The following IRF5 variants were observed in gnomAD, a reference collection of about 807,000 sequenced individuals.
IRF5 encodes interferon regulatory factor 5.
A neutral mutation model predicts 55.1 loss-of-function variants in IRF5; 24 were observed. The observed-to-expected ratio is 0.44, with a 90% CI of 0.32 to 0.61. IRF5 has a LOEUF of 0.61. Ranked by LOEUF, IRF5 falls within the 20% of genes least tolerant of loss-of-function variation. The pLI is 0.07. For synonymous variants in IRF5, 258 were observed against 260.2 expected, an observed-to-expected ratio of 0.99 and a Z score of 0.08; for missense variants, 499 against 658.5, an observed-to-expected ratio of 0.76 and a Z score of 2.65.
rs1386202661 is a variant in IRF5 at position 128,949,246 on chromosome 7, C to T, written c.*428C>T. 5.6e-6 allele frequency: 1 copy of T among 179,380 alleles called. No individual in the cohort carries two copies. Among genetic ancestry groups the T allele is most frequent in the African/African-American group, 2.4e-5 (1 of 42,206 alleles). 11.1% of individuals were successfully genotyped at this position (179,380 alleles called of 1,614,324 possible). ...GTTTGAGACTCACTTCCTCATCTCC[C>T]TGTCCTCTGAGATAATATGAGTGAG... On this transcript the variant is annotated 3_prime_UTR_variant, in exon 9 of 9. Coordinates refer to ENST00000357234, the MANE Select transcript of IRF5 (RefSeq NM_001098629.3).
chr7:128,947,863 A>G lies in IRF5; in HGVS notation c.922A>G (p.Ile308Val). 1.2e-6 allele frequency: 2 copies of G among 1,614,036 alleles called. No homozygotes were observed. Among genetic ancestry groups the G allele is most frequent in the Non-Finnish European group, 8.5e-7 (1 of 1,180,006 alleles). Residue 308 changes from isoleucine (I) to valine (V), a missense_variant, in exon 7 of 9, where the codon ATA becomes GTA. Ile to Val is a conservative substitution (Grantham distance 29). This residue lies in a region of IRF5 where 194 missense variants were observed against 318.3 expected (regional missense o/e 0.61). Transcript: ENST00000357234. The surrounding 1 kb of genome is among the most constrained non-coding windows in gnomAD (Gnocchi z 6.5). ...TQEQVELFGPISLEQVRFPSP... is the reference protein window; with the variant it reads ...TQEQVELFGPVSLEQVRFPSP... ...GGAGCAGGTGGAACTCTTCGGCCCCATAAGCCTGGAGCAAGTGCGCTTCCC... is the reference window on the plus strand; with the variant it reads ...GGAGCAGGTGGAACTCTTCGGCCCCGTAAGCCTGGAGCAAGTGCGCTTCCC...
chr7:128,948,556 T>C lies in IRF5; in HGVS notation c.1300-17T>C. 1 of 1,612,746 alleles carries C rather than the reference T, an allele frequency of 6.2e-7. No individual in the cohort carries two copies. The highest frequency in any genetic ancestry group is 8.5e-7 in the Non-Finnish European group (1 of 1,179,850). On this transcript the variant is annotated splice_polypyrimidine_tract_variant and intron_variant, in intron 8 of 8. Coordinates refer to ENST00000357234, the MANE Select transcript of IRF5 (RefSeq NM_001098629.3). This position sits in a 1 kb window ranked among gnomAD's most constrained non-coding sequence, Gnocchi z 4.6. ...CTGCCACAGGTCTCCCTGTCTCATCTCCTCTTTGCCTCCCAGGTGGTGCCT... is the reference window on the plus strand; with the variant it reads ...CTGCCACAGGTCTCCCTGTCTCATCCCCTCTTTGCCTCCCAGGTGGTGCCT...
In IRF5 at chr7:128,946,379, T is replaced by G; in HGVS notation, c.386-122T>G. On this transcript the variant is annotated intron_variant, in intron 3 of 8. Coordinates refer to ENST00000357234, the MANE Select transcript of IRF5 (RefSeq NM_001098629.3). The surrounding 1 kb of genome is among the most constrained non-coding windows in gnomAD (Gnocchi z 4.2). Reference sequence around the variant, plus strand: ...GCTGTGCCCTCCACCTCGCCCTGTGTTGGGGGCAGCTTTGGGGAAGGCAGA... The same window carrying G: ...GCTGTGCCCTCCACCTCGCCCTGTGGTGGGGGCAGCTTTGGGGAAGGCAGA... The G allele has an allele frequency of 8.1e-7, 1 of 1,236,646 alleles. No homozygotes were observed. The highest frequency in any genetic ancestry group is 1.1e-6 in the Non-Finnish European group (1 of 881,544). The allele number at this position is 1,236,646 out of a possible 1,614,324, so 76.6% of individuals were successfully genotyped here.
chr7:128,943,468 C>T (rs1292618294), intron 2 of IRF5, among the ~76,000 whole-genome samples: 1 of 150,826 alleles, frequency 6.6e-6, no homozygotes, highest in Admixed American at 6.6e-5. Flanking sequence ...ACCTCCAACT[C>T]AGCTCAAGTG....
Position 128,949,021 on chromosome 7 carries a change from C to A in IRF5, c.*203C>A. On this transcript the variant is annotated 3_prime_UTR_variant, in exon 9 of 9. Transcript: ENST00000357234. ...CTTTCTCTCCTGGGCTGTCTCTGGT[C>A]TGGTCAGCCTGGCTCTCGGGAAATT... The A allele has an allele frequency of 1.6e-6, 1 of 612,792 alleles. No individual in the cohort carries two copies. The highest frequency in any genetic ancestry group is 2.8e-6 in the Non-Finnish European group (1 of 354,370). The allele number at this position is 612,792 out of a possible 1,614,324, so 38.0% of individuals were successfully genotyped here.
rs1796304081 is a variant in IRF5, at chr7:128,946,402, A to G, written c.386-99A>G. On this transcript the variant is annotated intron_variant, in intron 3 of 8. Transcript: ENST00000357234. The surrounding 1 kb of genome is among the most constrained non-coding windows in gnomAD (Gnocchi z 4.2). ...TGTTGGGGGCAGCTTTGGGGAAGGC[A>G]GAAGCTGCATAGGAGCTACAGGCAG... The G allele has an allele frequency of 2.1e-6, 3 of 1,437,190 alleles. No homozygotes were observed. The Admixed American group carries it at 6.1e-5, about 29-fold the overall frequency. The allele number at this position is 1,437,190 out of a possible 1,614,324, so 89.0% of individuals were successfully genotyped here. A position where few individuals can be genotyped will look rare whatever the true frequency, so the allele number is the denominator to read the frequency against.
chr7:128,941,079 G>A (rs3807305), intron 1 of IRF5, among the ~76,000 whole-genome samples: 12,367 of 152,272 alleles, frequency 0.081, 1,230 homozygotes, highest in African/African-American at 0.24. Flanking sequence ...GCATGGGTAA[G>A]GGGAGGAGAG....
chr7:128,943,858 C>T (rs1235541166), intron 2 of IRF5, among the ~76,000 whole-genome samples: 5 of 151,596 alleles, frequency 3.3e-5, no homozygotes, highest in East Asian at 1.9e-4. Context: ...CGTGAGCCAC[C>T]GTGCCCAGCC....
Position 128,946,666 on chromosome 7 carries a change from T to A in IRF5, c.447+104T>A. Reference sequence around the variant, plus strand: ...CCACTCCCATGGAGCCCCGTGGCCCTCTCAATAGTTCTCCTTGTTTCTTCT... The same window carrying A: ...CCACTCCCATGGAGCCCCGTGGCCCACTCAATAGTTCTCCTTGTTTCTTCT... On this transcript the variant is annotated intron_variant, in intron 4 of 8. Transcript: ENST00000357234. The surrounding 1 kb of genome is among the most constrained non-coding windows in gnomAD (Gnocchi z 4.2). 2 of 739,876 alleles carry A rather than the reference T, an allele frequency of 2.7e-6. No individual in the cohort carries two copies. Among genetic ancestry groups the A allele is most frequent in the Non-Finnish European group, 4.7e-6 (2 of 429,760 alleles). 45.8% of individuals were successfully genotyped at this position (739,876 alleles called of 1,614,324 possible).
In IRF5 at chr7:128,946,907, C is replaced by G. The variant is rs1796335403; in HGVS notation, c.448-116C>G. 7.8e-7 allele frequency: 1 copy of G among 1,287,850 alleles called. No individual in the cohort carries two copies. The highest frequency in any genetic ancestry group is 1.2e-5 in the South Asian group (1 of 82,202). 79.8% of individuals were successfully genotyped at this position (1,287,850 alleles called of 1,614,324 possible). Reference sequence around the variant, plus strand: ...GGGTCTTGCCTGAGCTAAACTGAGGCTAGGGGAGTTGCCTCATAGTTCTCG... The same window carrying G: ...GGGTCTTGCCTGAGCTAAACTGAGGGTAGGGGAGTTGCCTCATAGTTCTCG... On this transcript the variant is annotated intron_variant, in intron 4 of 8. Transcript: ENST00000357234. The surrounding 1 kb of genome is among the most constrained non-coding windows in gnomAD (Gnocchi z 4.2).
chr7:128,938,428 G>A (rs1177406146), intron 1 of IRF5, among the ~76,000 whole-genome samples: 1 of 152,208 alleles, frequency 6.6e-6, no homozygotes, highest in East Asian at 1.9e-4. Flanking sequence ...CAGAATGGGG[G>A]TTCCCGGGAG....
Position 128,947,116 on chromosome 7 carries a change from G to A in IRF5, c.481+60G>A, listed in dbSNP as rs751677723. Reference sequence around the variant, plus strand: ...TACAGAGAAGCTATAGGTACCATAGGTACCTGGAAGGGGGCTGATGGGAGG... The same window carrying A: ...TACAGAGAAGCTATAGGTACCATAGATACCTGGAAGGGGGCTGATGGGAGG... On this transcript the variant is annotated intron_variant, in intron 5 of 8. Coordinates refer to ENST00000357234, the MANE Select transcript of IRF5 (RefSeq NM_001098629.3). The surrounding 1 kb of genome is among the most constrained non-coding windows in gnomAD (Gnocchi z 6.5). The A allele has an allele frequency of 3.7e-6, 6 of 1,613,806 alleles. No individual in the cohort carries two copies. The highest frequency in any genetic ancestry group is 2.2e-5 in the South Asian group (2 of 91,082).
chr7:128,948,778 G>A lies in IRF5; in HGVS notation c.1505G>A (p.Gly502Asp). Residue 502 changes from glycine to aspartate, a missense_variant, in exon 9 of 9, where the codon GGC becomes GAC. This residue lies in a region of IRF5 where 194 missense variants were observed against 318.3 expected (regional missense o/e 0.61). Transcript: ENST00000357234. This position sits in a 1 kb window ranked among gnomAD's most constrained non-coding sequence, Gnocchi z 4.6. Reference sequence around the variant, plus strand: ...CCTCCTGGAGCAGGCCTTGGTGTTGGCCAGGGGCCCTGGCCTATGCACCCA... The same window carrying A: ...CCTCCTGGAGCAGGCCTTGGTGTTGACCAGGGGCCCTGGCCTATGCACCCA... ...QAPPGAGLGV[G>D]QGPWPMHPAG... The A allele has an allele frequency of 6.2e-7, 1 of 1,609,338 alleles. No individual in the cohort carries two copies. Among genetic ancestry groups the A allele is most frequent in the Non-Finnish European group, 8.5e-7 (1 of 1,180,012 alleles).
Position 128,948,504 on chromosome 7 carries a change from C to T in IRF5, c.1300-69C>T. 6.3e-7 allele frequency: 1 copy of T among 1,586,316 alleles called. No individual in the cohort carries two copies. Among genetic ancestry groups the T allele is most frequent in the South Asian group, 1.1e-5 (1 of 88,264 alleles). The stretch of plus-strand genomic sequence containing the variant: ...TCTATTACTCACCCCTGATGGCTGT[C>T]CTCATGCACAGCTGGATCTGGCAGC... On this transcript the variant is annotated intron_variant, in intron 8 of 8. Transcript: ENST00000357234. This position sits in a 1 kb window ranked among gnomAD's most constrained non-coding sequence, Gnocchi z 4.6.
intron 1 of IRF5, among the ~76,000 whole-genome samples, chr7:128,939,018 C>T (rs1795882543): frequency 7.2e-6 from 1 of 138,338 alleles, no homozygotes; most frequent in Admixed American, 7.4e-5. Flanking sequence ...GGGGGTGTGC[C>T]CCAGCGGAGC....
intron 2 of IRF5, chr7:128,942,963 AT>A (rs1796108561): frequency 6.5e-6 from 1 of 153,042 alleles, no homozygotes; most frequent in Admixed American, 6.6e-5. Flanking sequence ...CAATCTTTCA[AT>A]TGTTTAAATT....
chr7:128,939,983 C>A (rs1376423783), intron 1 of IRF5, among the ~76,000 whole-genome samples: 2 of 152,172 alleles, frequency 1.3e-5, no homozygotes, highest in Non-Finnish European at 2.9e-5. Context: ...CAGAAGGGAG[C>A]TTCTAGGAGG....
Position 128,948,524 on chromosome 7 carries a change from G to C in IRF5, c.1300-49G>C. The stretch of plus-strand genomic sequence containing the variant: ...GCTGTCCTCATGCACAGCTGGATCT[G>C]GCAGCCCTGCCACAGGTCTCCCTGT... On this transcript the variant is annotated intron_variant, in intron 8 of 8. Transcript: ENST00000357234. This position sits in a 1 kb window ranked among gnomAD's most constrained non-coding sequence, Gnocchi z 4.6. 3 of 1,606,284 alleles carry C rather than the reference G, an allele frequency of 1.9e-6. No homozygotes were observed. Among genetic ancestry groups the C allele is most frequent in the Non-Finnish European group, 2.5e-6 (3 of 1,177,982 alleles).
Position 128,947,717 on chromosome 7 carries a change from T to C in IRF5, c.788-12T>C. On this transcript the variant is annotated splice_polypyrimidine_tract_variant and intron_variant, in intron 6 of 8. Coordinates refer to ENST00000357234, the MANE Select transcript of IRF5 (RefSeq NM_001098629.3). The surrounding 1 kb of genome is among the most constrained non-coding windows in gnomAD (Gnocchi z 6.5). ...GCTCAAGGACGGGATGGGCCTGCCT[T>C]CTGCCCCACAGTGACCGACCTGGAG... 6.3e-7 allele frequency: 1 copy of C among 1,591,398 alleles called. No individual in the cohort carries two copies. Among genetic ancestry groups the C allele is most frequent in the Non-Finnish European group, 8.5e-7 (1 of 1,172,212 alleles).
Sources: gnomAD v4.1 joint callset for allele counts (sites outside exome capture counted in the v4.1 genomes callset) on GRCh38, gnomAD v4.1.1 for gene constraint, gnomAD v4.1.1 regional missense constraint, Gnocchi (gnomAD v3.1) non-coding constraint, MANE v1.5 for transcripts, NCBI Gene and HGNC (gene_info 2026-07-23, HGNC 2026-07-21) for gene names.